LY9: variants seen among roughly 807,000 people sequenced by gnomAD.
The protein encoded by LY9 is T-lymphocyte surface antigen Ly-9.
Under a neutral mutation model 64.6 loss-of-function variants are expected in LY9, and 59 were observed. The observed-to-expected ratio is 0.91, with a 90% CI of 0.74 to 1.13. The LOEUF is 1.13. Ranked by LOEUF, LY9 falls within the 50% of genes most tolerant of loss-of-function variation. The pLI, the probability that LY9 is intolerant of heterozygous loss-of-function variation, is 0.00. For missense variants in LY9, 789 were observed against 797.2 expected, an observed-to-expected ratio of 0.99 and a Z score of 0.12; for synonymous variants, 281 against 308.5, an observed-to-expected ratio of 0.91 and a Z score of 0.93.
In LY9 at chr1:160,816,789, C is replaced by T. The variant is rs1186684435; in HGVS notation, c.1268C>T (p.Pro423Leu). The part of the protein sequence containing the change: ...NVSWRSSENH[P>L]NLTCTASNPV... ...TCATGGAGAAGCAGTGAAAATCACC[C>T]CAACCTCACATGCACAGCCAGCAAC... The change falls in exon 5 of 10, where the codon CCC (proline) becomes CTC (leucine). Residue 423 changes from proline to leucine, a missense_variant. Physicochemically the swap from Pro to Leu is moderately conservative, Grantham distance 98. Transcript: ENST00000263285. The T allele has an allele frequency of 1.2e-6, 2 of 1,614,076 alleles. No individual in the cohort carries two copies. Among genetic ancestry groups the T allele is most frequent in the African/African-American group, 1.3e-5 (1 of 74,930 alleles).
At chr1:160,802,028 G>A in intron 2 of LY9, 1 of 1,456,782 alleles carries the variant, frequency 6.9e-7, no homozygotes, top group East Asian at 2.5e-5. Context: ...CAGTGCCACT[G>A]CCCCCCGAGG....
At chr1:160,816,116 G>T (rs1667928683) in intron 4 of LY9, among the ~76,000 whole-genome samples, 2 of 152,180 alleles carry the variant, frequency 1.3e-5, no homozygotes, top group Admixed American at 6.5e-5. Context: ...GAAACAAATA[G>T]AGTCAGTCTT....
chr1:160,805,045 G>A (rs1666844903), intron 2 of LY9, among the ~76,000 whole-genome samples: 1 of 152,072 alleles, frequency 6.6e-6, no homozygotes, highest in East Asian at 1.9e-4. Context: ...TCTTTTCAAA[G>A]AGCTAACTTT....
rs957913931 is a variant in LY9, at chr1:160,816,684, G to A, written c.1163G>A (p.Gly388Glu). The A allele has an allele frequency of 1.2e-5, 20 of 1,614,174 alleles. No individual in the cohort carries two copies. Among genetic ancestry groups the A allele is most frequent in the Middle Eastern group, 1.6e-4 (1 of 6,062 alleles). ...AGCCTGACCTGCTCCGTGGAGGACG[G>A]GGGAAACACTGTCATGTACACATGG... ...RISLTCSVED[G>E]GNTVMYTWTP... Residue 388 changes from glycine (G) to glutamate (E), a missense_variant, in exon 5 of 10, where the codon GGG becomes GAG. Gly to Glu is a moderately conservative substitution (Grantham distance 98). Coordinates refer to ENST00000263285, the MANE Select transcript of LY9 (RefSeq NM_002348.4).
Position 160,814,682 on chromosome 1 carries a change from C to T in LY9, c.993C>T (p.Asp331=), listed in dbSNP as rs767288103. The change falls in exon 4 of 10, where the codon GAC becomes GAT. Residue 331 remains aspartate, a synonymous_variant. Transcript: ENST00000263285. ...AGATCAGCCAGCTGAAGATAGAGGA[C>T]GCCGGCCCCTACCATGCCTACGTGT... is the stretch of plus-strand genomic sequence containing the variant. ...SLKISQLKIE[D]AGPYHAYVCS... 11 of 1,614,180 alleles carry T rather than the reference C, an allele frequency of 6.8e-6. No individual in the cohort carries two copies. Among genetic ancestry groups the T allele is most frequent in the South Asian group, 3.3e-5 (3 of 91,076 alleles).
At chr1:160,824,905 A>G (rs1027900774) in intron 9 of LY9, among the ~76,000 whole-genome samples, 2 of 149,348 alleles carry the variant, frequency 1.3e-5, no homozygotes, top group African/African-American at 5.0e-5. Context: ...GCGTGAACCC[A>G]GGAGGCAGAG....
At chr1:160,801,868 C>T (rs1363351512) in intron 2 of LY9, 3 of 1,614,042 alleles carry the variant, frequency 1.9e-6, no homozygotes, top group African/African-American at 2.7e-5. Context: ...GGCCTGGAGT[C>T]CATCATCAGC....
intron 6 of LY9, 92 bp downstream of exon 6, chr1:160,818,411 C>A: frequency 1.2e-6 from 1 of 863,852 alleles, no homozygotes. Flanking sequence ...TCCCGTGCTA[C>A]CCCTCCCTGC....
chr1:160,797,216 T>C, intron 1 of LY9: 1 of 985,580 alleles, frequency 1.0e-6, no homozygotes, highest in Non-Finnish European at 1.2e-6. Flanking sequence ...CCTGGGACTG[T>C]GGCAGCTACT....
At chr1:160,816,509 A>G (rs1667956384) in intron 4 of LY9, 85 bp from the exon 5 acceptor site, 2 of 1,437,394 alleles carry the variant, frequency 1.4e-6, no homozygotes, top group Non-Finnish European at 1.9e-6. Context: ...ACTCAGCTTC[A>G]TGAATATATT....
intron 2 of LY9, among the ~76,000 whole-genome samples, chr1:160,803,488 G>T (rs896756346): frequency 2.0e-5 from 3 of 151,966 alleles, no homozygotes; most frequent in Non-Finnish European, 2.9e-5. Context: ...TTTGTAGTTT[G>T]CCTTGTAGAG....
In LY9 at chr1:160,823,670, G is replaced by A; in HGVS notation, c.1704G>A (p.Gln568=). ...GRYEVFDQVT[Q]EGAGHDPAPE... ...ATGAGGTATTTGACCAGGTCACTCA[G>A]GAGGGCGCTGGACATGACCCAGCCC... Residue 568 remains glutamine, a synonymous_variant, in exon 8 of 10, where the codon CAG becomes CAA. Coordinates refer to ENST00000263285, the MANE Select transcript of LY9 (RefSeq NM_002348.4). 2 of 1,614,144 alleles carry A rather than the reference G, an allele frequency of 1.2e-6. No individual in the cohort carries two copies. Among genetic ancestry groups the A allele is most frequent in the Non-Finnish European group, 1.7e-6 (2 of 1,179,984 alleles).
At chr1:160,817,514 G>C (rs1294434240) in intron 5 of LY9, among the ~76,000 whole-genome samples, 1 of 152,226 alleles carries the variant, frequency 6.6e-6, no homozygotes, top group Non-Finnish European at 1.5e-5. Flanking sequence ...GATATGGAAA[G>C]GGATGTGGAC....
At chr1:160,820,259 C>T (rs1668309686) in intron 7 of LY9, among the ~76,000 whole-genome samples, 1 of 152,040 alleles carries the variant, frequency 6.6e-6, no homozygotes, top group African/African-American at 2.4e-5. Context: ...GGAAATGGAA[C>T]TGCTCTGACA....
chr1:160,802,634 A>G (rs748016695), intron 2 of LY9: 30 of 985,442 alleles, frequency 3.0e-5, no homozygotes, highest in African/African-American at 3.5e-5. Flanking sequence ...TTTTACACCA[A>G]TTTGGTGAAA....
At chr1:160,801,903 G>T in intron 2 of LY9, 4 of 1,613,636 alleles carry the variant, frequency 2.5e-6, no homozygotes, top group Non-Finnish European at 3.4e-6. Context: ...ACGTGTGAGC[G>T]TGCGGGAGGG....
chr1:160,799,977 T>G lies in LY9; in HGVS notation c.349T>G (p.Cys117Gly). Residue 117 changes from cysteine (C) to glycine (G), a missense_variant, in exon 2 of 10, where the codon TGC (cysteine) becomes GGC (glycine). Coordinates refer to ENST00000263285, the MANE Select transcript of LY9 (RefSeq NM_002348.4). ...LDITKWSYSL[C>G]ISNLTLNDAG... The stretch of plus-strand genomic sequence containing the variant: ...CATCACCAAGTGGAGTTACTCCCTG[T>G]GCATCAGCAATCTGACTCTGAATGA... The G allele has an allele frequency of 6.2e-7, 1 of 1,614,190 alleles. No individual in the cohort carries two copies. The highest frequency in any genetic ancestry group is 8.5e-7 in the Non-Finnish European group (1 of 1,180,030).
chr1:160,803,526 T>C (rs1666704288), intron 2 of LY9, among the ~76,000 whole-genome samples: 1 of 152,220 alleles, frequency 6.6e-6, no homozygotes, highest in South Asian at 2.1e-4. Context: ...TTATACTTGT[T>C]CCTAGGGTTT....
intron 1 of LY9, chr1:160,797,109 G>A: frequency 1.0e-6 from 1 of 985,486 alleles, no homozygotes; most frequent in Non-Finnish European, 1.2e-6. Flanking sequence ...TCCCTATCAA[G>A]GCCCAACTCC....
Sources: gnomAD v4.1 joint callset for allele counts (sites outside exome capture counted in the v4.1 genomes callset) on GRCh38, gnomAD v4.1.1 for gene constraint, MANE v1.5 for transcripts, NCBI Gene and HGNC (gene_info 2026-07-23, HGNC 2026-07-21) for gene names.